APBA2: variants seen among roughly 807,000 people sequenced by gnomAD.
APBA2 encodes the protein amyloid-beta A4 precursor protein-binding family A member 2.
APBA2 carries 30 observed loss-of-function variants against 75.0 expected under a neutral mutation model. The observed-to-expected ratio is 0.40, with a 90% confidence interval of 0.30 to 0.54. The LOEUF (loss-of-function observed/expected upper bound fraction) is 0.54, where lower values mean the gene tolerates loss of function less well. Among genes scored for constraint, APBA2 ranks in the 20% least tolerant of loss-of-function variants. APBA2 has a pLI of 0.49. For missense variants in APBA2, 801 were observed against 1,016.1 expected, an observed-to-expected ratio of 0.79 and a Z score of 2.88; for synonymous variants, 444 against 409.6, an observed-to-expected ratio of 1.08 and a Z score of -1.01.
At chr15:28,913,031 T>C (rs1178381237) in intron 1 of APBA2, among the ~76,000 whole-genome samples, 2 of 152,256 alleles carry the variant, frequency 1.3e-5, no homozygotes, top group Admixed American at 1.3e-4. Flanking sequence ...TTCACGCATC[T>C]GCACTATCTG....
intron 4 of APBA2, among the ~76,000 whole-genome samples, chr15:29,074,492 C>T (rs1200565785): frequency 1.3e-5 from 2 of 152,000 alleles, no homozygotes. Context: ...GGCAGGGGCT[C>T]AGGTTGGGGT....
intron 14 of APBA2, among the ~76,000 whole-genome samples, chr15:29,114,925 G>T (rs2044991245): frequency 9.2e-6 from 1 of 109,054 alleles, no homozygotes; most frequent in Non-Finnish European, 1.5e-5. Flanking sequence ...AAGCATGAGT[G>T]TGTATGTGTG....
At chr15:28,931,907 G>A (rs2034584626) in intron 2 of APBA2, among the ~76,000 whole-genome samples, 1 of 152,224 alleles carries the variant, frequency 6.6e-6, no homozygotes, top group South Asian at 2.1e-4. Flanking sequence ...ACGTTCAAGT[G>A]GAGAAAGGTC....
intron 8 of APBA2, among the ~76,000 whole-genome samples, chr15:29,097,048 GGC>G (rs1409004439): frequency 5.3e-5 from 8 of 152,242 alleles, no homozygotes; most frequent in African/African-American, 1.9e-4. Flanking sequence ...CCATTTGTGT[GGC>G]ACCTCTCTTG....
Position 29,054,615 on chromosome 15 carries a change from G to C in APBA2, c.731G>C (p.Ser244Thr), listed in dbSNP as rs767520940. 6.2e-7 allele frequency: 1 copy of C among 1,614,176 alleles called. No individual in the cohort carries two copies. Among genetic ancestry groups the C allele is most frequent in the Non-Finnish European group, 8.5e-7 (1 of 1,180,028 alleles). ...AGTCTGAGCATGACCAGCATCACCA[G>C]CGCCAGTGAGGCCAGCCCCGAGCAT... ...KMSLSMTSIT[S>T]ASEASPEHGP... Residue 244 changes from serine to threonine, a missense_variant, in exon 4 of 15, where the codon AGC becomes ACC. Around this residue, in one of 2 missense-constraint regions of APBA2, gnomAD observed 434 missense variants for 471.6 expected, o/e 0.92. Coordinates refer to ENST00000683413, the MANE Select transcript of APBA2 (RefSeq NM_001353788.2). This position sits in a 1 kb window ranked among gnomAD's most constrained non-coding sequence, Gnocchi z 6.1.
intron 2 of APBA2, among the ~76,000 whole-genome samples, chr15:28,980,438 A>G (rs772984998): frequency 6.6e-6 from 1 of 152,198 alleles, no homozygotes; most frequent in Non-Finnish European, 1.5e-5. Context: ...TACACCAATA[A>G]TGTTCAAGCT....
intron 6 of APBA2, among the ~76,000 whole-genome samples, chr15:29,086,099 G>T (rs577512190): frequency 1.1e-4 from 16 of 152,310 alleles, no homozygotes; most frequent in African/African-American, 3.8e-4. Flanking sequence ...GTCCTTTCTT[G>T]TTCTCTCTTA....
chr15:29,082,145 G>T (rs1400921109), intron 6 of APBA2, among the ~76,000 whole-genome samples: 1 of 152,180 alleles, frequency 6.6e-6, no homozygotes. Context: ...ACACTATTTC[G>T]TATGTTCATA....
At chr15:28,911,887 T>A (rs2033445572) in intron 1 of APBA2, among the ~76,000 whole-genome samples, 1 of 152,250 alleles carries the variant, frequency 6.6e-6, no homozygotes, top group Non-Finnish European at 1.5e-5. Flanking sequence ...GGCTGCATAT[T>A]TGCAGTGAGC....
chr15:29,022,940 G>A (rs1175330818), intron 3 of APBA2, among the ~76,000 whole-genome samples: 1 of 151,936 alleles, frequency 6.6e-6, no homozygotes, highest in African/African-American at 2.4e-5. Context: ...ATGCTTTATA[G>A]TTTTGTTGCT....
At chr15:28,947,991 C>G (rs541799474) in intron 2 of APBA2, among the ~76,000 whole-genome samples, 1 of 152,306 alleles carries the variant, frequency 6.6e-6, no homozygotes, top group Admixed American at 6.5e-5. Flanking sequence ...AGTCGTGGCT[C>G]TAGGTTGGCC....
chr15:29,011,237 A>G (rs1301833545), intron 3 of APBA2, among the ~76,000 whole-genome samples: 3 of 152,246 alleles, frequency 2.0e-5, no homozygotes, highest in South Asian at 4.1e-4. Flanking sequence ...TCCATCATCC[A>G]TCGATAGACA....
chr15:29,024,630 T>C (rs1190813700), intron 3 of APBA2, among the ~76,000 whole-genome samples: 1 of 152,190 alleles, frequency 6.6e-6, no homozygotes, highest in Non-Finnish European at 1.5e-5. Flanking sequence ...TTGCGCTTCT[T>C]GTAAATGGGA....
intron 4 of APBA2, among the ~76,000 whole-genome samples, chr15:29,065,546 GA>G (rs1013856154): frequency 1.3e-5 from 2 of 152,184 alleles, no homozygotes; most frequent in Admixed American, 6.5e-5. Context: ...GGCAGCTCAA[GA>G]AAACTACGCA....
chr15:28,915,270 CACACCACACACCACACACATACCCCATAT>C (rs2033634625), intron 1 of APBA2, among the ~76,000 whole-genome samples: 4 of 131,152 alleles, frequency 3.0e-5, no homozygotes, highest in Non-Finnish European at 6.7e-5. Flanking sequence ...ATAGCCCATA[CACACCACACACCACACACATACCCCATAT>C]ACACCACACA....
intron 8 of APBA2, among the ~76,000 whole-genome samples, chr15:29,097,558 G>T (rs1030570965): frequency 6.6e-6 from 1 of 152,208 alleles, no homozygotes; most frequent in African/African-American, 2.4e-5. Context: ...GGATAAAATT[G>T]TATGTATTTG....
rs142899748 is a variant in APBA2 at position 28,977,860 on chromosome 15, C to T, written c.-94-17893C>T. On this transcript the variant is annotated intron_variant, in intron 2 of 14. Coordinates refer to ENST00000683413, the MANE Select transcript of APBA2 (RefSeq NM_001353788.2). Reference sequence around the variant, plus strand: ...GGCTGTTGTGTCTCTCCCATACAGTCGGGTGTGGAGCAGTTGGACCCACAT... The same window carrying T: ...GGCTGTTGTGTCTCTCCCATACAGTTGGGTGTGGAGCAGTTGGACCCACAT... Among the ~76,000 whole-genome samples, 1,389 of 152,188 alleles carry T rather than the reference C, an allele frequency of 9.1e-3. 10 individuals are homozygous for T. Among genetic ancestry groups the T allele is most frequent in the Non-Finnish European group, 0.015 (1,030 of 68,006 alleles).
At chr15:28,902,632 G>A (rs1449267940) in intron 1 of APBA2, among the ~76,000 whole-genome samples, 1 of 152,222 alleles carries the variant, frequency 6.6e-6, no homozygotes, top group African/African-American at 2.4e-5. Flanking sequence ...GTGCTGTGCT[G>A]ATGTATGGCG....
intron 1 of APBA2, among the ~76,000 whole-genome samples, chr15:28,890,539 C>T (rs1567409415): frequency 6.6e-6 from 1 of 152,206 alleles, no homozygotes; most frequent in Non-Finnish European, 1.5e-5. Flanking sequence ...CCTCCGCCTG[C>T]CTGACTGTCT....
Sources: allele counts gnomAD v4.1 joint callset (sites outside exome capture counted in the v4.1 genomes callset), GRCh38; gene constraint gnomAD v4.1.1; regional missense constraint gnomAD v4.1.1; non-coding constraint Gnocchi (gnomAD v3.1); transcripts MANE v1.5; gene names NCBI Gene and HGNC (gene_info 2026-07-23, HGNC 2026-07-21).